MND1: variants seen among roughly 807,000 people sequenced by gnomAD.
MND1 encodes meiotic nuclear division protein 1 homolog.
In MND1, 28 loss-of-function variants were observed where a neutral mutation model predicts 35.1. That is an observed-to-expected ratio of 0.80 (90% CI 0.59 to 1.09). MND1 has a LOEUF of 1.09. Among genes scored for constraint, MND1 ranks in the 50% least tolerant of loss-of-function variants. The pLI is 0.00. For synonymous variants in MND1, 69 were observed against 70.5 expected, an observed-to-expected ratio of 0.98 and a Z score of 0.11; for missense variants, 213 against 239.6, an observed-to-expected ratio of 0.89 and a Z score of 0.73.
In MND1 at chr4:153,387,437, C is replaced by A. The variant is rs1728900076; in HGVS notation, c.277-6825C>A. On this transcript the variant is annotated intron_variant, in intron 4 of 7. Transcript: ENST00000240488. ...GATTAATTTTTAAATGGAATATTAC[C>A]TTTATTAGAAGATACAAATTTTAAA... 2.0e-5 allele frequency among the ~76,000 whole-genome samples: 3 copies of A among 151,638 alleles called. No homozygotes were observed. In the South Asian group the frequency reaches 6.3e-4, roughly 32 times the overall value.
chr4:153,395,911 G>A (rs1729186204), intron 5 of MND1, among the ~76,000 whole-genome samples: 1 of 151,982 alleles, frequency 6.6e-6, no homozygotes, highest in Admixed American at 6.6e-5. Flanking sequence ...GTTTTTTAGA[G>A]ATGGAATATC....
chr4:153,358,552 A>G lies in MND1; in HGVS notation c.206A>G (p.Asn69Ser). Residue 69 changes from asparagine (N) to serine (S), a missense_variant, in exon 4 of 8, where the codon AAT becomes AGT. Asn to Ser is a conservative substitution (Grantham distance 46, BLOSUM62 1). Transcript: ENST00000240488. Reference sequence around the variant, plus strand: ...GACTGTGAGAGGATCGGAACTTCTAATTATTATTGGGCTTTTCCAAGTAAA... The same window carrying G: ...GACTGTGAGAGGATCGGAACTTCTAGTTATTATTGGGCTTTTCCAAGTAAA... ...MVDCERIGTS[N>S]YYWAFPSKAL... The G allele has an allele frequency of 6.2e-7, 1 of 1,613,686 alleles. No individual in the cohort carries two copies. The highest frequency in any genetic ancestry group is 8.5e-7 in the Non-Finnish European group (1 of 1,179,818).
chr4:153,411,477 G>A (rs1250449454), intron 7 of MND1, among the ~76,000 whole-genome samples: 1 of 152,134 alleles, frequency 6.6e-6, no homozygotes, highest in Admixed American at 6.5e-5. Context: ...TTATCTTGAA[G>A]GCCGACATCC....
At chr4:153,387,837 CT>C (rs36004124) in intron 4 of MND1, among the ~76,000 whole-genome samples, 2,405 of 148,060 alleles carry the variant, frequency 0.016, 70 homozygotes, top group African/African-American at 0.056. Flanking sequence ...GAAATATAAC[CT>C]TTTTTTTTTC....
chr4:153,390,913 GTGTATA>G (rs1445311633), intron 4 of MND1, among the ~76,000 whole-genome samples: 6 of 122,676 alleles, frequency 4.9e-5, no homozygotes, highest in African/African-American at 2.1e-4. Context: ...GTGTGTGTGT[GTGTATA>G]TGTGTGTGTG....
In MND1 at chr4:153,397,347, A is replaced by G. The variant is rs752367041; in HGVS notation, c.466+14A>G. The G allele has an allele frequency of 6.3e-7, 1 of 1,577,032 alleles. No homozygotes were observed. Among genetic ancestry groups the G allele is most frequent in the South Asian group, 1.1e-5 (1 of 87,924 alleles). ...TGGAAGAAATACGTAAGTTTGTGTC[A>G]TACCTTAGGGATCTTTAACTTTGAT... On this transcript the variant is annotated intron_variant, in intron 6 of 7. Transcript: ENST00000240488.
intron 4 of MND1, among the ~76,000 whole-genome samples, chr4:153,379,915 A>G (rs1728624497): frequency 6.7e-6 from 1 of 150,328 alleles, no homozygotes; most frequent in South Asian, 2.1e-4. Flanking sequence ...CCAGCTACTC[A>G]GGAGGCTGAG....
At chr4:153,393,116 C>T (rs1729091210) in intron 4 of MND1, among the ~76,000 whole-genome samples, 1 of 151,002 alleles carries the variant, frequency 6.6e-6, no homozygotes, top group Non-Finnish European at 1.5e-5. Flanking sequence ...GAGACACTGT[C>T]TCAAGAAAAA....
At chr4:153,377,979 C>A in intron 4 of MND1, among the ~76,000 whole-genome samples, 1 of 152,054 alleles carries the variant, frequency 6.6e-6, no homozygotes, top group East Asian at 1.9e-4. Flanking sequence ...CAAGTGAAGT[C>A]CTTATGTGCC....
At chr4:153,384,731 G>A (rs532216541) in intron 4 of MND1, among the ~76,000 whole-genome samples, 1 of 152,150 alleles carries the variant, frequency 6.6e-6, no homozygotes, top group South Asian at 2.1e-4. Context: ...ATTATTTTAT[G>A]TGTGTCTCAG....
Position 153,358,521 on chromosome 4 carries a change from A to G in MND1, c.175A>G (p.Met59Val), listed in dbSNP as rs781417503. 2 of 1,613,254 alleles carry G rather than the reference A, an allele frequency of 1.2e-6. No homozygotes were observed. Among genetic ancestry groups the G allele is most frequent in the Non-Finnish European group, 1.7e-6 (2 of 1,179,614 alleles). ...CCTTCAAAGCTTAGTTGATGATGGTATGGTTGACTGTGAGAGGATCGGAAC... is the reference window on the plus strand; with the variant it reads ...CCTTCAAAGCTTAGTTGATGATGGTGTGGTTGACTGTGAGAGGATCGGAAC... ...EVLQSLVDDGMVDCERIGTSN... is the reference protein window; with the variant it reads ...EVLQSLVDDGVVDCERIGTSN... The change falls in exon 4 of 8, where the codon ATG becomes GTG. Residue 59 changes from methionine (M) to valine (V), a missense_variant. Met to Val is a conservative substitution (Grantham distance 21, BLOSUM62 1). Transcript: ENST00000240488.
At chr4:153,399,765 A>G (rs144214894) in intron 6 of MND1, among the ~76,000 whole-genome samples, 17 of 152,216 alleles carry the variant, frequency 1.1e-4, no homozygotes, top group African/African-American at 2.9e-4. Flanking sequence ...CCTTAAATTT[A>G]TAACTTTGGT....
At chr4:153,386,279 C>T (rs936159595) in intron 4 of MND1, among the ~76,000 whole-genome samples, 1 of 150,352 alleles carries the variant, frequency 6.7e-6, no homozygotes, top group Middle Eastern at 3.4e-3. Context: ...TCGCATGAGA[C>T]CAGGAGTCTG....
intron 2 of MND1, among the ~76,000 whole-genome samples, chr4:153,351,461 A>C (rs1773216081): frequency 1.3e-5 from 2 of 152,168 alleles, no homozygotes; most frequent in South Asian, 4.1e-4. Flanking sequence ...CATTTAGTCT[A>C]TCAGTTTTTT....
At chr4:153,398,108 T>C (rs557010532) in intron 6 of MND1, among the ~76,000 whole-genome samples, 1 of 152,320 alleles carries the variant, frequency 6.6e-6, no homozygotes, top group South Asian at 2.1e-4. Context: ...CAGTCATTTT[T>C]TTTTCCTTGT....
In MND1 at chr4:153,376,648, A is replaced by G. The variant is rs111437455; in HGVS notation, c.277-17614A>G. Among the ~76,000 whole-genome samples the G allele has an allele frequency of 1.5e-4, 23 of 152,262 alleles. 1 individual carries two copies. Among genetic ancestry groups the G allele is most frequent in the African/African-American group, 5.5e-4 (23 of 41,564 alleles). On this transcript the variant is annotated intron_variant, in intron 4 of 7. Coordinates refer to ENST00000240488, the MANE Select transcript of MND1 (RefSeq NM_032117.4). ...GAAGTAACTGACCACTACTGACTTG[A>G]AATGCACATTTTTTAGTCTTTTTCC...
chr4:153,348,372 G>A lies in MND1; in HGVS notation c.4-1692G>A, dbSNP rs1441332808. Among the ~76,000 whole-genome samples, 5 of 152,274 alleles carry A rather than the reference G, an allele frequency of 3.3e-5. No individual in the cohort carries two copies. The East Asian group carries it at 9.6e-4, about 29-fold the overall frequency. On this transcript the variant is annotated intron_variant, in intron 1 of 7. Transcript: ENST00000240488. ...TGACGGAGTTGAAGTTTGTCCAGCA[G>A]GCGGGTAGATGCATGACACTGAAGC...
chr4:153,349,972 A>C, intron 1 of MND1, 92 bp from the exon 2 acceptor site: 3 of 844,992 alleles, frequency 3.6e-6, no homozygotes, highest in South Asian at 1.6e-5. Context: ...GGCATCAGAT[A>C]AGACCATGCA....
chr4:153,358,735 T>A, intron 4 of MND1, 113 bp downstream of exon 4: 1 of 1,019,082 alleles, frequency 9.8e-7, no homozygotes, highest in Non-Finnish European at 1.4e-6. Context: ...ATTATTTGAC[T>A]GAAAGTCTAA....
Sources: gnomAD v4.1 joint callset for allele counts (sites outside exome capture counted in the v4.1 genomes callset) on GRCh38, gnomAD v4.1.1 for gene constraint, MANE v1.5 for transcripts, NCBI Gene and HGNC (gene_info 2026-07-23, HGNC 2026-07-21) for gene names.